The following SNRNP200 variants were observed in gnomAD, a reference collection of about 807,000 sequenced individuals.
The protein encoded by SNRNP200 is small nuclear ribonucleoprotein U5 subunit 200.
Under a neutral mutation model 255.2 loss-of-function variants are expected in SNRNP200, and 66 were observed. That is an observed-to-expected ratio of 0.26 (90% CI 0.21 to 0.32). The LOEUF is 0.32. SNRNP200 is among the 10% of genes least tolerant of loss of function. The pLI is 1.00. For missense variants in SNRNP200, 1,585 were observed against 2,749.8 expected, an observed-to-expected ratio of 0.58 and a Z score of 9.47; for synonymous variants, 939 against 1,027.8, an observed-to-expected ratio of 0.91 and a Z score of 1.65.
At position 96,278,308 on chromosome 2, in the gene SNRNP200, C is replaced by G. The variant is rs1684703174; in HGVS notation, c.5539G>C (p.Glu1847Gln). 6.2e-7 allele frequency: 1 copy of G among 1,613,986 alleles called. No individual in the cohort carries two copies. The highest frequency in any genetic ancestry group is 1.3e-5 in the African/African-American group (1 of 74,892). ...NAKTKVRGLI[E>Q]IISNAAEYEN... ...TACTCTGCTGCATTGGAGATGATCTCGATAAGCCCTCGCACCTTGGTCTTG... is the reference window on the plus strand; with the variant it reads ...TACTCTGCTGCATTGGAGATGATCTGGATAAGCCCTCGCACCTTGGTCTTG... Residue 1847 changes from glutamate to glutamine, a missense_variant, in exon 39 of 45, where the codon GAG becomes CAG. Physicochemically the swap from Glu to Gln is conservative, Grantham distance 29. Transcript: ENST00000323853. This position sits in a 1 kb window ranked among gnomAD's most constrained non-coding sequence, Gnocchi z 6.9.
At chr2:96,296,851 G>C (rs2063920080) in intron 12 of SNRNP200, 82 bp downstream of exon 12, 2 of 1,579,960 alleles carry the variant, frequency 1.3e-6, no homozygotes, top group Admixed American at 1.7e-5. Flanking sequence ...ATTAGGGGGT[G>C]GGGGTGGAAA....
At chr2:96,297,256 A>G in intron 11 of SNRNP200, 107 bp downstream of exon 11, 1 of 1,535,506 alleles carries the variant, frequency 6.5e-7, no homozygotes, top group East Asian at 2.3e-5. Context: ...TGCAGCTTTC[A>G]GCCCTGAAAT....
At chr2:96,284,078 A>C in intron 31 of SNRNP200, 74 bp from the exon 32 acceptor site, 6 of 1,347,112 alleles carry the variant, frequency 4.5e-6, no homozygotes, top group Non-Finnish European at 6.2e-6. Flanking sequence ...CCCTTTGTGA[A>C]CAGCCCAACA....
In SNRNP200 at chr2:96,287,211, T is replaced by G; in HGVS notation, c.3485-51A>C. 1.9e-6 allele frequency: 3 copies of G among 1,609,382 alleles called. No homozygotes were observed. The highest frequency in any genetic ancestry group is 2.6e-6 in the Non-Finnish European group (3 of 1,175,960). On this transcript the variant is annotated intron_variant, in intron 26 of 44. Coordinates refer to ENST00000323853, the MANE Select transcript of SNRNP200 (RefSeq NM_014014.5). The surrounding 1 kb of genome is among the most constrained non-coding windows in gnomAD (Gnocchi z 5.7). The stretch of plus-strand genomic sequence containing the variant: ...CTGCAGCCCAGCCTGCCTACTATAC[T>G]GCAAACTGGGCCTGAGGGCCACTGT...
intron 36 of SNRNP200, 80 bp downstream of exon 36, chr2:96,279,371 G>A: frequency 1.1e-6 from 1 of 913,728 alleles, no homozygotes; most frequent in Admixed American, 1.9e-5. Flanking sequence ...TAAAGTTACT[G>A]AAGACATCTA....
chr2:96,276,243 G>A (rs1374857809), intron 43 of SNRNP200, among the ~76,000 whole-genome samples: 5 of 152,040 alleles, frequency 3.3e-5, no homozygotes, highest in Admixed American at 6.6e-5. Context: ...TTTCTTTCTG[G>A]TGGTAAAAAA....
At chr2:96,282,083 G>T in intron 34 of SNRNP200, 161 bp from the exon 35 acceptor site, 1 of 629,658 alleles carries the variant, frequency 1.6e-6, no homozygotes, top group East Asian at 2.8e-5. Flanking sequence ...CTAACACATT[G>T]CTATGAGGTA....
chr2:96,283,238 G>A lies in SNRNP200; in HGVS notation c.4878C>T (p.Pro1626=), dbSNP rs1291015502. The A allele has an allele frequency of 6.2e-7, 1 of 1,614,050 alleles. No individual in the cohort carries two copies. Among genetic ancestry groups the A allele is most frequent in the African/African-American group, 1.3e-5 (1 of 74,910 alleles). Residue 1626 remains proline (P), a synonymous_variant, in exon 34 of 45, where the codon CCC becomes CCT. Coordinates refer to ENST00000323853, the MANE Select transcript of SNRNP200 (RefSeq NM_014014.5). This position sits in a 1 kb window ranked among gnomAD's most constrained non-coding sequence, Gnocchi z 4.7. ...GVGYLHEGLS[P]MERRLVEQLF... ...GCTGCTCCACCAGGCGTCGCTCCATGGGGCTGAGCCCCTCATGCAGGTAGC... is the reference window on the plus strand; with the variant it reads ...GCTGCTCCACCAGGCGTCGCTCCATAGGGCTGAGCCCCTCATGCAGGTAGC...
In SNRNP200 at chr2:96,295,617, C is replaced by T. The variant is rs375042708; in HGVS notation, c.1713G>A (p.Gly571=). 19 of 1,613,766 alleles carry T rather than the reference C, an allele frequency of 1.2e-5. No individual in the cohort carries two copies. The African/African-American group carries it at 2.3e-4, about 19-fold the overall frequency. Residue 571 remains glycine, a synonymous_variant, in exon 14 of 45, where the codon GGG becomes GGA. Coordinates refer to ENST00000323853, the MANE Select transcript of SNRNP200 (RefSeq NM_014014.5). ...TYGITVAELT[G]DHQLCKEEIS... is the part of the protein sequence containing the mutation. ...TCTCTTCTTTGCACAGCTGGTGGTC[C>T]CCAGTCAGTTCAGCAACAGTGATGC...
chr2:96,299,972 G>A (rs1394408790), intron 5 of SNRNP200, among the ~76,000 whole-genome samples: 1 of 152,212 alleles, frequency 6.6e-6, no homozygotes, highest in Non-Finnish European at 1.5e-5. Flanking sequence ...ACTGTAGGAA[G>A]AGGCTTAGCA....
chr2:96,305,020 T>C lies in SNRNP200; in HGVS notation c.46-152A>G, dbSNP rs2063978473. ...TATATTTTCCTTAAGAATTGCATAGTATAACGCTGTGCAGAAGCGTACAGC... is the reference window on the plus strand; with the variant it reads ...TATATTTTCCTTAAGAATTGCATAGCATAACGCTGTGCAGAAGCGTACAGC... On this transcript the variant is annotated intron_variant, in intron 1 of 44. Coordinates refer to ENST00000323853, the MANE Select transcript of SNRNP200 (RefSeq NM_014014.5). 4 of 932,172 alleles carry C rather than the reference T, an allele frequency of 4.3e-6. No homozygotes were observed. In the Admixed American group the frequency reaches 8.1e-5, roughly 19 times the overall value. 57.7% of individuals were successfully genotyped at this position (932,172 alleles called of 1,614,324 possible).
At chr2:96,279,904 ATTGTTT>A (rs1684730719) in intron 35 of SNRNP200, 2 of 321,074 alleles carry the variant, frequency 6.2e-6, no homozygotes, top group Non-Finnish European at 1.2e-5. Context: ...AAAAATTATT[ATTGTTT>A]TTATTTGTTT....
chr2:96,277,767 A>G lies in SNRNP200; in HGVS notation c.5754+40T>C. 2 of 1,614,156 alleles carry G rather than the reference A, an allele frequency of 1.2e-6. No individual in the cohort carries two copies. The highest frequency in any genetic ancestry group is 1.1e-5 in the South Asian group (1 of 91,084). On this transcript the variant is annotated intron_variant, in intron 40 of 44. Coordinates refer to ENST00000323853, the MANE Select transcript of SNRNP200 (RefSeq NM_014014.5). The surrounding 1 kb of genome is among the most constrained non-coding windows in gnomAD (Gnocchi z 4.4). ...GGGCGGAGTTGGAGCTGAGATGTTT[A>G]GAGCACCACTGACCCCTCTGCCCCA...
At chr2:96,276,830 G>C in intron 43 of SNRNP200, 74 bp downstream of exon 43, 1 of 1,332,676 alleles carries the variant, frequency 7.5e-7, no homozygotes, top group Non-Finnish European at 1.1e-6. Flanking sequence ...CAGGGACAGT[G>C]TGCCCTTGTA....
In SNRNP200 at chr2:96,291,121, C is replaced by T. The variant is rs1356504113; in HGVS notation, c.2421+271G>A. ...GGAAAGAGGGAACGACAAGGGCACG[C>T]GTGCCCCCATGAGACACTGTTTGGA... On this transcript the variant is annotated intron_variant, in intron 18 of 44. Coordinates refer to ENST00000323853, the MANE Select transcript of SNRNP200 (RefSeq NM_014014.5). The surrounding 1 kb of genome is among the most constrained non-coding windows in gnomAD (Gnocchi z 4.2). Among the ~76,000 whole-genome samples, 1 of 152,116 alleles carries T rather than the reference C, an allele frequency of 6.6e-6. No homozygotes were observed. Among genetic ancestry groups the T allele is most frequent in the Non-Finnish European group, 1.5e-5 (1 of 68,018 alleles).
chr2:96,277,817 A>T lies in SNRNP200; in HGVS notation c.5744T>A (p.Ile1915Asn), dbSNP rs1275364850. Reference protein sequence around the residue: ...SAELQSDTEEILSKAIRLIQA... With the variant: ...SAELQSDTEENLSKAIRLIQA... ...ACACCCACACTCTACCTTACTAAGGATTTCCTCCGTATCTGACTGCAACTC... is the reference window on the plus strand; with the variant it reads ...ACACCCACACTCTACCTTACTAAGGTTTTCCTCCGTATCTGACTGCAACTC... Residue 1915 changes from isoleucine to asparagine, a missense_variant, in exon 40 of 45, where the codon ATC (isoleucine) becomes AAC (asparagine). Ile to Asn is a moderately radical substitution (Grantham distance 149). This residue lies in a region of SNRNP200 where 279 missense variants were observed against 551.2 expected (regional missense o/e 0.51). Coordinates refer to ENST00000323853, the MANE Select transcript of SNRNP200 (RefSeq NM_014014.5). The surrounding 1 kb of genome is among the most constrained non-coding windows in gnomAD (Gnocchi z 4.4). 1.1e-5 allele frequency: 18 copies of T among 1,614,220 alleles called. No individual in the cohort carries two copies. Among genetic ancestry groups the T allele is most frequent in the Non-Finnish European group, 1.5e-5 (18 of 1,180,048 alleles).
chr2:96,288,351 G>A (rs2063856669), intron 24 of SNRNP200, among the ~76,000 whole-genome samples: 1 of 152,220 alleles, frequency 6.6e-6, no homozygotes, highest in Non-Finnish European at 1.5e-5. Flanking sequence ...TTTATGAGCT[G>A]TGCAGCAACA....
At position 96,287,458 on chromosome 2, in the gene SNRNP200, G is replaced by T; in HGVS notation, c.3465C>A (p.Asp1155Glu). The stretch of plus-strand genomic sequence containing the variant: ...ACACACCAATCTCATTATGATTCAG[G>T]TCGTACAGACGCTCAAAGGGGAAAT... ...KKNFPFERLY[D>E]LNHNEIGELI... The change falls in exon 26 of 45, where the codon GAC (aspartate) becomes GAA (glutamate). Residue 1155 changes from aspartate to glutamate, a missense_variant. Physicochemically the swap from Asp to Glu is conservative, Grantham distance 45. Coordinates refer to ENST00000323853, the MANE Select transcript of SNRNP200 (RefSeq NM_014014.5). This position sits in a 1 kb window ranked among gnomAD's most constrained non-coding sequence, Gnocchi z 5.7. The T allele has an allele frequency of 1.9e-6, 3 of 1,612,168 alleles. No individual in the cohort carries two copies. Among genetic ancestry groups the T allele is most frequent in the Non-Finnish European group, 2.5e-6 (3 of 1,178,204 alleles).
In SNRNP200 at chr2:96,289,888, G is replaced by A; in HGVS notation, c.2851C>T (p.Gln951Ter). Residue 951 changes from glutamine (Q) to a stop codon, truncating the protein, a stop_gained, in exon 21 of 45, where the codon CAG (glutamine) becomes TAG (stop). Coordinates refer to ENST00000323853, the MANE Select transcript of SNRNP200 (RefSeq NM_014014.5). LOFTEE classifies it high-confidence loss of function. Reference protein sequence around the residue: ...DDLKGDPLLDQRRLDLVHTAA... With the variant: ...DDLKGDPLLD ...GTATGAACCAGATCTAGTCGGCGCTGGTCCAGCAGGGGATCTCCCTTGAGG... is the reference window on the plus strand; with the variant it reads ...GTATGAACCAGATCTAGTCGGCGCTAGTCCAGCAGGGGATCTCCCTTGAGG... 1 of 1,614,130 alleles carries A rather than the reference G, an allele frequency of 6.2e-7. No individual in the cohort carries two copies. Among genetic ancestry groups the A allele is most frequent in the Middle Eastern group, 1.7e-4 (1 of 6,060 alleles).
Sources: allele counts gnomAD v4.1 joint callset (sites outside exome capture counted in the v4.1 genomes callset), GRCh38; gene constraint gnomAD v4.1.1; regional missense constraint gnomAD v4.1.1; non-coding constraint Gnocchi (gnomAD v3.1); transcripts MANE v1.5; gene names NCBI Gene and HGNC (gene_info 2026-07-23, HGNC 2026-07-21).